PLXDC1: variants seen among roughly 807,000 people sequenced by gnomAD.
PLXDC1 encodes the protein plexin domain containing 1.
A neutral mutation model predicts 61.3 loss-of-function variants in PLXDC1; 39 were observed. The observed-to-expected ratio is 0.64, with a 90% CI of 0.49 to 0.83. The LOEUF is 0.83. PLXDC1 is among the 40% of genes least tolerant of loss of function. The pLI, the probability that PLXDC1 is intolerant of heterozygous loss-of-function variation, is 0.00. For missense variants in PLXDC1, 596 were observed against 666.5 expected, an observed-to-expected ratio of 0.89 and a Z score of 1.17; for synonymous variants, 212 against 254.5, an observed-to-expected ratio of 0.83 and a Z score of 1.59.
chr17:39,117,002 C>T (rs768209748), intron 2 of PLXDC1, among the ~76,000 whole-genome samples: 4 of 152,206 alleles, frequency 2.6e-5, no homozygotes, highest in Non-Finnish European at 2.9e-5. Context: ...ATCATGGCTC[C>T]GCTAGGAATG....
chr17:39,088,943 G>GAAAAAAAAAAAAAA (rs56714275), intron 7 of PLXDC1, among the ~76,000 whole-genome samples: 2 of 63,910 alleles, frequency 3.1e-5, no homozygotes, highest in Non-Finnish European at 5.7e-5. Context: ...GAGCAAGACT[G>GAAAAAAAAAAAAAA]AAAAAAAAAA....
chr17:39,124,003 C>T (rs1911244235), intron 2 of PLXDC1, among the ~76,000 whole-genome samples: 1 of 152,110 alleles, frequency 6.6e-6, no homozygotes, highest in Non-Finnish European at 1.5e-5. Context: ...GGGGACATCC[C>T]AGTCCCTGCC....
In PLXDC1 at chr17:39,108,974, C is replaced by T. The variant is rs371118805; in HGVS notation, c.400-1G>A. 1.2e-6 allele frequency: 2 copies of T among 1,611,324 alleles called. No individual in the cohort carries two copies. Among genetic ancestry groups the T allele is most frequent in the African/African-American group, 1.3e-5 (1 of 74,890 alleles). On this transcript the variant is annotated splice_acceptor_variant, in intron 3 of 13. Coordinates refer to ENST00000315392, the MANE Select transcript of PLXDC1 (RefSeq NM_020405.5). LOFTEE classifies it high-confidence loss of function. ...GGAAATCAAAGGACAAGACCACTCT[C>T]TGCAGGGGATGGGAGAAAGTCAGCA...
intron 8 of PLXDC1, among the ~76,000 whole-genome samples, chr17:39,085,670 G>A (rs1049993427): frequency 5.3e-5 from 8 of 152,138 alleles, no homozygotes; most frequent in African/African-American, 1.9e-4. Context: ...GAGGGACCAG[G>A]AGGGACCAGC....
chr17:39,145,746 AAAC>A (rs1230200817), intron 1 of PLXDC1, among the ~76,000 whole-genome samples: 1 of 152,226 alleles, frequency 6.6e-6, no homozygotes, highest in East Asian at 1.9e-4. Flanking sequence ...CAGAGCAGTA[AAAC>A]AACACAGGTT....
intron 2 of PLXDC1, among the ~76,000 whole-genome samples, chr17:39,138,808 T>C (rs559816965): frequency 5.9e-5 from 9 of 152,030 alleles, no homozygotes; most frequent in Admixed American, 3.9e-4. Context: ...AAGAAGGTCC[T>C]CTTGTTGCTT....
chr17:39,135,876 T>G (rs1008595777), intron 2 of PLXDC1, among the ~76,000 whole-genome samples: 2 of 152,174 alleles, frequency 1.3e-5, no homozygotes, highest in Non-Finnish European at 2.9e-5. Flanking sequence ...TTTTAAGCTC[T>G]GGCGTTATTG....
chr17:39,125,353 C>G (rs903145907), intron 2 of PLXDC1, among the ~76,000 whole-genome samples: 10 of 152,154 alleles, frequency 6.6e-5, no homozygotes, highest in Non-Finnish European at 1.3e-4. Context: ...TGAGGCTGAC[C>G]TAAGAAAGCC....
intron 1 of PLXDC1, among the ~76,000 whole-genome samples, chr17:39,149,390 C>T (rs2045360248): frequency 6.6e-6 from 1 of 152,164 alleles, no homozygotes; most frequent in African/African-American, 2.4e-5. Flanking sequence ...ACGTCCTTCT[C>T]CTACATCTGG....
At chr17:39,091,260 C>A (rs1194741968) in intron 7 of PLXDC1, among the ~76,000 whole-genome samples, 1 of 152,146 alleles carries the variant, frequency 6.6e-6, no homozygotes, top group Non-Finnish European at 1.5e-5. Context: ...ATTTCCCACG[C>A]CCCCTCTGAG....
At chr17:39,068,269 A>C (rs772230032) in intron 13 of PLXDC1, among the ~76,000 whole-genome samples, 3 of 152,248 alleles carry the variant, frequency 2.0e-5, no homozygotes, top group Non-Finnish European at 2.9e-5. Context: ...CTAGGACTGC[A>C]ATGTGAGGGA....
At chr17:39,121,417 G>A (rs1482450787) in intron 2 of PLXDC1, among the ~76,000 whole-genome samples, 2 of 152,142 alleles carry the variant, frequency 1.3e-5, no homozygotes, top group African/African-American at 2.4e-5. Flanking sequence ...GCTCATAGAG[G>A]CTCAGAATAA....
At chr17:39,130,521 T>C (rs1911523977) in intron 2 of PLXDC1, among the ~76,000 whole-genome samples, 1 of 152,210 alleles carries the variant, frequency 6.6e-6, no homozygotes, top group Non-Finnish European at 1.5e-5. Context: ...ATTGTGAATT[T>C]ATTAAATGCC....
At position 39,137,845 on chromosome 17, in the gene PLXDC1, G is replaced by A. The variant is rs561573091; in HGVS notation, c.255+1809C>T. Among the ~76,000 whole-genome samples the A allele has an allele frequency of 1.1e-4, 16 of 152,062 alleles. No homozygotes were observed. The South Asian group carries it at 1.9e-3, about 18-fold the overall frequency. ...GATGGCACCCGTGGTACCAGCAGGC[G>A]AGTGGCTGGGCGGGATTGGAGTGCA... On this transcript the variant is annotated intron_variant, in intron 2 of 13. Transcript: ENST00000315392.
intron 2 of PLXDC1, chr17:39,113,002 CTT>C (rs1910862062): frequency 1.3e-5 from 2 of 152,166 alleles, no homozygotes. Context: ...TGGAAATAGT[CTT>C]TGCAGATGAA....
At chr17:39,106,724 A>G (rs867349001) in intron 6 of PLXDC1, among the ~76,000 whole-genome samples, 5 of 141,424 alleles carry the variant, frequency 3.5e-5, no homozygotes, top group African/African-American at 1.1e-4. Context: ...ATCTCAGCTC[A>G]CTGCAACCTC....
chr17:39,070,419 T>G, intron 12 of PLXDC1: 1 of 162,478 alleles, frequency 6.2e-6, no homozygotes, highest in East Asian at 1.8e-4. Context: ...TTGTGCAAAT[T>G]ATCTAACCTC....
rs184759473 is a variant in PLXDC1 at position 39,110,402 on chromosome 17, T to C, written c.256-1011A>G. 1.1e-4 allele frequency among the ~76,000 whole-genome samples: 16 copies of C among 152,286 alleles called. 1 individual carries two copies. The highest frequency in any genetic ancestry group is 6.5e-4 in the Admixed American group (10 of 15,304). On this transcript the variant is annotated intron_variant, in intron 2 of 13. Transcript: ENST00000315392. ...ATAAAGAAGTTAGAATGCTATGGGC[T>C]GGGGGTTCATTCTGCAAAGGCTCTC...
intron 2 of PLXDC1, among the ~76,000 whole-genome samples, chr17:39,135,979 G>A (rs1195920138): frequency 6.6e-6 from 1 of 152,166 alleles, no homozygotes; most frequent in Non-Finnish European, 1.5e-5. Context: ...GCTCTTTTCT[G>A]AAAGGTCCTC....
Sources: gnomAD v4.1 joint callset for allele counts (sites outside exome capture counted in the v4.1 genomes callset) on GRCh38, gnomAD v4.1.1 for gene constraint, MANE v1.5 for transcripts, NCBI Gene and HGNC (gene_info 2026-07-23, HGNC 2026-07-21) for gene names.